Variants in UBR3 observed in about 807,000 individuals in gnomAD.
UBR3 encodes the protein E3 ubiquitin-protein ligase UBR3.
UBR3 carries 85 observed loss-of-function variants against 243.2 expected under a neutral mutation model. The ratio of observed to expected loss-of-function variants is 0.35; its 90% CI spans 0.29 to 0.42. The LOEUF (loss-of-function observed/expected upper bound fraction) is 0.42, where lower values mean the gene tolerates loss of function less well. UBR3 is among the 10% of genes least tolerant of loss of function. The pLI, the probability that UBR3 is intolerant of heterozygous loss-of-function variation, is 1.00. For synonymous variants in UBR3, 748 were observed against 799.8 expected (o/e 0.94, Z 1.09); for missense variants, 1,686 against 2,300.8 (o/e 0.73, Z 5.47).
intron 10 of UBR3, among the ~76,000 whole-genome samples, chr2:169,909,336 A>G (rs12623174): frequency 0.041 from 6,238 of 152,266 alleles, 182 homozygotes; most frequent in East Asian, 0.1. Flanking sequence ...TTCCTGGAGA[A>G]GACTGGATTT....
intron 32 of UBR3, among the ~76,000 whole-genome samples, chr2:170,046,552 T>C (rs1028009410): frequency 1.3e-5 from 2 of 152,210 alleles, no homozygotes; most frequent in Non-Finnish European, 2.9e-5. Flanking sequence ...AGTTTCTTAT[T>C]TCTTTTTACA....
intron 1 of UBR3, among the ~76,000 whole-genome samples, chr2:169,836,099 G>T: frequency 2.7e-5 from 1 of 37,108 alleles, no homozygotes; most frequent in African/African-American, 7.8e-5. Flanking sequence ...TTTTTGAGAT[G>T]GAAACTCGCT....
chr2:170,039,455 G>A (rs2090912080), intron 31 of UBR3, among the ~76,000 whole-genome samples: 1 of 151,982 alleles, frequency 6.6e-6, no homozygotes. Context: ...AGGATTCATA[G>A]CATTAATGAA....
At chr2:169,917,182 C>T (rs1177675526) in intron 11 of UBR3, among the ~76,000 whole-genome samples, 1 of 152,148 alleles carries the variant, frequency 6.6e-6, no homozygotes, top group Admixed American at 6.5e-5. Flanking sequence ...ACCAACTCAC[C>T]TTGATTCTTT....
intron 16 of UBR3, 23 bp downstream of exon 16, chr2:169,926,994 C>G (rs1233965395): frequency 6.5e-7 from 1 of 1,539,146 alleles, no homozygotes; most frequent in Non-Finnish European, 8.8e-7. Context: ...GATACTAATA[C>G]TTATGCATTA....
chr2:170,074,659 G>T (rs2091767905), intron 36 of UBR3, among the ~76,000 whole-genome samples: 1 of 152,108 alleles, frequency 6.6e-6, no homozygotes, highest in Admixed American at 6.6e-5. Context: ...ATCACTGTTT[G>T]CTAAGTAACA....
At chr2:169,985,971 A>G (rs2088983039) in intron 24 of UBR3, among the ~76,000 whole-genome samples, 1 of 152,164 alleles carries the variant, frequency 6.6e-6, no homozygotes, top group Non-Finnish European at 1.5e-5. Context: ...AGCATCACTT[A>G]TCTTCGTGAA....
chr2:169,958,314 A>T, intron 23 of UBR3, 124 bp from the exon 24 acceptor site: 1 of 699,294 alleles, frequency 1.4e-6, no homozygotes, highest in African/African-American at 1.8e-5. Context: ...TTAATACATA[A>T]TACAGAAAAT....
At chr2:169,836,237 C>A (rs2082110175) in intron 1 of UBR3, among the ~76,000 whole-genome samples, 1 of 150,850 alleles carries the variant, frequency 6.6e-6, no homozygotes, top group Non-Finnish European at 1.5e-5. Context: ...GCGGCCGCCA[C>A]CATGCCTAGC....
chr2:169,862,325 G>C (rs2083121152), intron 1 of UBR3, among the ~76,000 whole-genome samples: 1 of 152,012 alleles, frequency 6.6e-6, no homozygotes, highest in African/African-American at 2.4e-5. Flanking sequence ...TTTTAGACAT[G>C]GGATGGAGCT....
chr2:170,033,590 C>A (rs1438857206), intron 31 of UBR3, among the ~76,000 whole-genome samples: 2 of 120,056 alleles, frequency 1.7e-5, no homozygotes, highest in African/African-American at 3.1e-5. Context: ...CACCCCCCCC[C>A]CCCCCAATAT....
intron 28 of UBR3, among the ~76,000 whole-genome samples, chr2:170,007,396 C>T (rs933811434): frequency 4.6e-5 from 7 of 152,106 alleles, no homozygotes; most frequent in African/African-American, 1.4e-4. Flanking sequence ...AGGCTAAATT[C>T]TGAGTTTTAA....
rs936554262 is a variant in UBR3, at chr2:169,849,894, G to T, written c.545+21842G>T. On this transcript the variant is annotated intron_variant, in intron 1 of 38. Coordinates refer to ENST00000272793, the MANE Select transcript of UBR3 (RefSeq NM_172070.4). ...GGCATGCAGGAGAGGAAGGAAGCAGGTGGGGATCTGCATGTTGGCTTGGTG... is the reference window on the plus strand; with the variant it reads ...GGCATGCAGGAGAGGAAGGAAGCAGTTGGGGATCTGCATGTTGGCTTGGTG... 3.9e-5 allele frequency among the ~76,000 whole-genome samples: 6 copies of T among 152,194 alleles called. 1 individual carries two copies. The South Asian group carries it at 1.2e-3, about 31-fold the overall frequency.
At chr2:169,836,065 ATATTTTTT>A (rs2082100270) in intron 1 of UBR3, among the ~76,000 whole-genome samples, 4 of 27,930 alleles carry the variant, frequency 1.4e-4, no homozygotes, top group African/African-American at 3.4e-4. Flanking sequence ...ATATATATAT[ATATTTTTT>A]TTTTTTTTTT....
chr2:169,894,825 C>A (rs1210030747), intron 6 of UBR3, among the ~76,000 whole-genome samples: 2 of 152,160 alleles, frequency 1.3e-5, no homozygotes, highest in Non-Finnish European at 2.9e-5. Flanking sequence ...CTAAGTTTAG[C>A]CCCTGCTTAA....
At chr2:169,971,697 G>A (rs998655799) in intron 24 of UBR3, among the ~76,000 whole-genome samples, 1 of 152,006 alleles carries the variant, frequency 6.6e-6, no homozygotes, top group Admixed American at 6.6e-5. Context: ...CTCTGTTTTG[G>A]TACCAGTACC....
At position 169,907,755 on chromosome 2, in the gene UBR3, G is replaced by A. The variant is rs1029021995; in HGVS notation, c.1779+1591G>A. Among the ~76,000 whole-genome samples, 14 of 151,552 alleles carry A rather than the reference G, an allele frequency of 9.2e-5. No homozygotes were observed. In the East Asian group the frequency reaches 2.3e-3, roughly 25 times the overall value. ...GCCCTCAACTTGTCTCTCATAATTC[G>A]TTATCTTTTTTTTTAATTTTTAAAT... is the stretch of plus-strand genomic sequence containing the variant. On this transcript the variant is annotated intron_variant, in intron 10 of 38. Transcript: ENST00000272793.
intron 32 of UBR3, among the ~76,000 whole-genome samples, chr2:170,054,873 A>C (rs2091299077): frequency 6.6e-6 from 1 of 152,192 alleles, no homozygotes; most frequent in Admixed American, 6.5e-5. Context: ...TCCAAGGTTG[A>C]ATGGCATTAG....
intron 5 of UBR3, among the ~76,000 whole-genome samples, chr2:169,885,593 A>G (rs2084060864): frequency 6.6e-6 from 1 of 152,070 alleles, no homozygotes; most frequent in Non-Finnish European, 1.5e-5. Context: ...AGACAGAAAA[A>G]AAAAACAAAA....
Sources: gnomAD v4.1 joint callset for allele counts (sites outside exome capture counted in the v4.1 genomes callset) on GRCh38, gnomAD v4.1.1 for gene constraint, MANE v1.5 for transcripts, NCBI Gene and HGNC (gene_info 2026-07-23, HGNC 2026-07-21) for gene names.